The following STK33 variants were observed in gnomAD, a reference collection of about 807,000 sequenced individuals.
STK33 encodes serine/threonine kinase 33, also known as serine/threonine-protein kinase 33.
Under a neutral mutation model 58.0 loss-of-function variants are expected in STK33, and 52 were observed. That is an observed-to-expected ratio of 0.90 (90% CI 0.72 to 1.13). The LOEUF is 1.13. Ranked by LOEUF, STK33 falls within the 50% of genes most tolerant of loss-of-function variation. STK33 has a pLI of 0.00. For missense variants in STK33, 630 were observed against 604.2 expected (o/e 1.04, Z -0.45); for synonymous variants, 215 against 200.1 (o/e 1.07, Z -0.63).
downstream of STK33, among the ~76,000 whole-genome samples, chr11:8,387,069 A>C (rs1367789108): frequency 1.3e-5 from 2 of 152,180 alleles, no homozygotes; most frequent in Non-Finnish European, 2.9e-5. Flanking sequence ...AGCCTTGAGA[A>C]CTTACTTTTA....
intron 1 of STK33, among the ~76,000 whole-genome samples, chr11:8,488,309 C>G (rs1204940209): frequency 1.3e-5 from 2 of 152,038 alleles, no homozygotes; most frequent in African/African-American, 2.4e-5. Flanking sequence ...AAAGAAAAAG[C>G]TGGAAAATTA....
At chr11:8,396,185 C>T (rs934185656) in intron 15 of STK33, among the ~76,000 whole-genome samples, 1 of 152,160 alleles carries the variant, frequency 6.6e-6, no homozygotes, top group African/African-American at 2.4e-5. Flanking sequence ...CTCACTGCAA[C>T]CTCCGCCTCC....
In STK33 at chr11:8,482,218, T is replaced by C. The variant is rs79607987; in HGVS notation, c.-465-1604A>G. 5.9e-4 allele frequency among the ~76,000 whole-genome samples: 90 copies of C among 152,310 alleles called. 2 individuals carry two copies. The East Asian group carries it at 0.017, about 28-fold the overall frequency. On this transcript the variant is annotated intron_variant, in intron 1 of 15. Coordinates refer to ENST00000687296, the MANE Select transcript of STK33 (RefSeq NM_001352389.2). ...TCACAGCTGAGGAATAAATGTGCCA[T>C]GGCTGTTAAATTCAGCAAAACAGGA...
chr11:8,374,055 T>C, the STK33 span, among the ~76,000 whole-genome samples: 1 of 152,258 alleles, frequency 6.6e-6, no homozygotes, highest in African/African-American at 2.4e-5. Context: ...CTTATGTGTG[T>C]CTTCCCAGCT....
intron 5 of STK33, 84 bp downstream of exon 5, chr11:8,474,597 C>A: frequency 1.0e-6 from 1 of 975,454 alleles, no homozygotes; most frequent in African/African-American, 1.7e-5. Flanking sequence ...CTAACAAGAA[C>A]TCATGGGATA....
intron 1 of STK33, among the ~76,000 whole-genome samples, chr11:8,560,181 T>C (rs912561235): frequency 6.6e-6 from 1 of 152,140 alleles, no homozygotes; most frequent in African/African-American, 2.4e-5. Flanking sequence ...CAGAGATAAA[T>C]GTGTGAGCAT....
At chr11:8,494,545 C>A (rs1002896992) in intron 1 of STK33, among the ~76,000 whole-genome samples, 3 of 152,150 alleles carry the variant, frequency 2.0e-5, no homozygotes, top group Non-Finnish European at 4.4e-5. Context: ...GATTCAATGC[C>A]ATCCCCATGA....
intron 8 of STK33, among the ~76,000 whole-genome samples, chr11:8,460,651 T>C (rs902393664): frequency 1.3e-5 from 2 of 151,794 alleles, no homozygotes; most frequent in Non-Finnish European, 2.9e-5. Context: ...CTAAAATTGA[T>C]GAAAACCATA....
intron 1 of STK33, among the ~76,000 whole-genome samples, chr11:8,512,412 T>C (rs897674368): frequency 6.6e-6 from 1 of 152,152 alleles, no homozygotes; most frequent in East Asian, 1.9e-4. Flanking sequence ...GTATACAAAG[T>C]GCTACTGGCT....
intron 1 of STK33, among the ~76,000 whole-genome samples, chr11:8,505,909 G>C (rs1951831157): frequency 6.6e-6 from 1 of 152,158 alleles, no homozygotes; most frequent in Admixed American, 6.5e-5. Flanking sequence ...GTTAAGCTCT[G>C]TTAGCCTTCG....
At chr11:8,524,187 G>A (rs1332377280) in intron 1 of STK33, among the ~76,000 whole-genome samples, 3 of 152,144 alleles carry the variant, frequency 2.0e-5, no homozygotes, top group South Asian at 2.1e-4. Context: ...GCAGAAGGCC[G>A]CAGGGTCCTC....
At chr11:8,454,958 C>T (rs1259176323) in intron 9 of STK33, 126 bp from the exon 10 acceptor site, 1 of 938,296 alleles carries the variant, frequency 1.1e-6, no homozygotes. Context: ...CAAGCATAGT[C>T]TGTCCTGTTC....
intron 1 of STK33, among the ~76,000 whole-genome samples, chr11:8,549,274 T>G (rs1203287419): frequency 6.6e-6 from 1 of 152,204 alleles, no homozygotes; most frequent in Non-Finnish European, 1.5e-5. Context: ...TGTGTCATAT[T>G]TATTAATTTA....
chr11:8,515,142 A>G (rs1366492057), intron 1 of STK33, among the ~76,000 whole-genome samples: 1 of 152,166 alleles, frequency 6.6e-6, no homozygotes, highest in Non-Finnish European at 1.5e-5. Flanking sequence ...AATACAAGAG[A>G]CATATGGAAT....
chr11:8,408,458 T>C (rs1939647105), intron 15 of STK33, among the ~76,000 whole-genome samples: 1 of 152,148 alleles, frequency 6.6e-6, no homozygotes, highest in South Asian at 2.1e-4. Flanking sequence ...AAAAAGCTCT[T>C]GTGTGGGAGT....
Position 8,413,616 on chromosome 11 carries a change from A to G in STK33, c.1223T>C (p.Val408Ala). ...MKEWKNNPESVEENTTEEKNK... is the reference protein window; with the variant it reads ...MKEWKNNPESAEENTTEEKNK... ...CTTCTCTTCTGTTGTGTTTTCCTCA[A>G]CACTTTCTGGGTTATTTTTCCATTC... The change falls in exon 15 of 16, where the codon GTT becomes GCT. Residue 408 changes from valine (V) to alanine (A), a missense_variant. By Grantham distance (64) the Val-to-Ala change is moderately conservative. Transcript: ENST00000687296. 1 of 1,613,890 alleles carries G rather than the reference A, an allele frequency of 6.2e-7. No homozygotes were observed. The highest frequency in any genetic ancestry group is 8.5e-7 in the Non-Finnish European group (1 of 1,179,938).
chr11:8,512,825 C>T (rs931622415), intron 1 of STK33, among the ~76,000 whole-genome samples: 1 of 152,018 alleles, frequency 6.6e-6, no homozygotes, highest in Non-Finnish European at 1.5e-5. Flanking sequence ...TTGACCTTGG[C>T]CTTCCTCAGG....
intron 1 of STK33, among the ~76,000 whole-genome samples, chr11:8,501,030 A>C (rs1465496555): frequency 6.6e-6 from 1 of 152,160 alleles, no homozygotes; most frequent in Non-Finnish European, 1.5e-5. Context: ...CTCACACCAT[A>C]TACAAAACTT....
In STK33 at chr11:8,413,605, T is replaced by C. The variant is rs1940656775; in HGVS notation, c.1234A>G (p.Thr412Ala). 2 of 1,614,090 alleles carry C rather than the reference T, an allele frequency of 1.2e-6. No homozygotes were observed. Among genetic ancestry groups the C allele is most frequent in the East Asian group, 4.5e-5 (2 of 44,878 alleles). The change falls in exon 15 of 16, where the codon ACA becomes GCA. Residue 412 changes from threonine (T) to alanine (A), a missense_variant. Transcript: ENST00000687296. Reference sequence around the variant, plus strand: ...GACGGCTTATTCTTCTCTTCTGTTGTGTTTTCCTCAACACTTTCTGGGTTA... The same window carrying C: ...GACGGCTTATTCTTCTCTTCTGTTGCGTTTTCCTCAACACTTTCTGGGTTA... ...KNNPESVEENTTEEKNKPSTE... is the reference protein window; with the variant it reads ...KNNPESVEENATEEKNKPSTE...
Sources: gnomAD v4.1 joint callset for allele counts (sites outside exome capture counted in the v4.1 genomes callset) on GRCh38, gnomAD v4.1.1 for gene constraint, MANE v1.5 for transcripts, NCBI Gene and HGNC (gene_info 2026-07-23, HGNC 2026-07-21) for gene names.